The following MAGI2 variants were observed in gnomAD, a reference collection of about 807,000 sequenced individuals.
MAGI2 encodes the protein membrane associated guanylate kinase, WW and PDZ domain containing 2.
In MAGI2, 35 loss-of-function variants were observed where a neutral mutation model predicts 133.3. That is an observed-to-expected ratio of 0.26 (90% CI 0.20 to 0.35). MAGI2 has a LOEUF of 0.35. Among genes scored for constraint, MAGI2 ranks in the 10% least tolerant of loss-of-function variants. The pLI is 1.00. For synonymous variants in MAGI2, 729 were observed against 710.6 expected, an observed-to-expected ratio of 1.03 and a Z score of -0.41; for missense variants, 1,636 against 1,863.4, an observed-to-expected ratio of 0.88 and a Z score of 2.25.
At chr7:79,070,608 C>T (rs985756179) in intron 1 of MAGI2, among the ~76,000 whole-genome samples, 1 of 151,944 alleles carries the variant, frequency 6.6e-6, no homozygotes, top group Non-Finnish European at 1.5e-5. Context: ...TCTCTTGCAT[C>T]AGCCTTCTGA....
chr7:78,653,550 T>G (rs560364856), intron 2 of MAGI2, among the ~76,000 whole-genome samples: 2 of 151,782 alleles, frequency 1.3e-5, no homozygotes, highest in East Asian at 3.9e-4. Context: ...AACCAAACAC[T>G]GCATGTTCTC....
At chr7:78,901,707 C>A (rs184536581) in intron 2 of MAGI2, among the ~76,000 whole-genome samples, 1 of 151,766 alleles carries the variant, frequency 6.6e-6, no homozygotes, top group African/African-American at 2.4e-5. Context: ...TTCTATTCAC[C>A]GTACAGGAAA....
At chr7:79,033,792 A>C (rs1309841448) in intron 1 of MAGI2, among the ~76,000 whole-genome samples, 1 of 152,182 alleles carries the variant, frequency 6.6e-6, no homozygotes, top group African/African-American at 2.4e-5. Flanking sequence ...AGTGGTACAT[A>C]AGGTTCAATC....
At chr7:78,759,785 C>T (rs1824300802) in intron 2 of MAGI2, among the ~76,000 whole-genome samples, 1 of 152,120 alleles carries the variant, frequency 6.6e-6, no homozygotes, top group Admixed American at 6.5e-5. Flanking sequence ...CACATTTTCC[C>T]TATTTTCTAA....
At chr7:78,547,360 C>T (rs193165847) in intron 3 of MAGI2, among the ~76,000 whole-genome samples, 74 of 152,336 alleles carry the variant, frequency 4.9e-4, no homozygotes, top group African/African-American at 1.7e-3. Context: ...GTAAAAAGGA[C>T]CTCCTATCAC....
chr7:78,199,909 A>G (rs569481664), intron 11 of MAGI2, among the ~76,000 whole-genome samples: 40 of 152,384 alleles, frequency 2.6e-4, no homozygotes, highest in Admixed American at 6.5e-4. Context: ...GTATAATTGT[A>G]GCACCATGAT....
intron 1 of MAGI2, among the ~76,000 whole-genome samples, chr7:79,425,841 A>G (rs1289527330): frequency 6.6e-6 from 1 of 152,078 alleles, no homozygotes; most frequent in African/African-American, 2.4e-5. Context: ...AAAGGCTTCA[A>G]TGACTATTTG....
At position 79,128,872 on chromosome 7, in the gene MAGI2, A is replaced by G. The variant is rs1820666252; in HGVS notation, c.302-121666T>C. On this transcript the variant is annotated intron_variant, in intron 1 of 21. Transcript: ENST00000354212. ...CATACTAAACACCATAGCTTAGCCT[A>G]GGCTACTTTATTTTTTGAGATGAAT... Among the ~76,000 whole-genome samples, 5 of 152,240 alleles carry G rather than the reference A, an allele frequency of 3.3e-5. No homozygotes were observed. In the Middle Eastern group the frequency reaches 0.01, roughly 311 times the overall value.
At chr7:78,168,158 C>CTTTT in intron 14 of MAGI2, 50 bp from the exon 15 acceptor site, 6 of 1,276,652 alleles carry the variant, frequency 4.7e-6, no homozygotes, top group South Asian at 1.4e-5. Context: ...ATCCTTTTTC[C>CTTTT]TTTTTTTTTT....
At chr7:78,130,680 A>T (rs1821476374) in intron 18 of MAGI2, among the ~76,000 whole-genome samples, 1 of 152,240 alleles carries the variant, frequency 6.6e-6, no homozygotes, top group African/African-American at 2.4e-5. Context: ...TGGAGTGGGC[A>T]CTTCCTGGGC....
At chr7:78,790,734 C>G (rs529538191) in intron 2 of MAGI2, among the ~76,000 whole-genome samples, 69 of 152,124 alleles carry the variant, frequency 4.5e-4, no homozygotes, top group African/African-American at 1.6e-3. Flanking sequence ...GTGCCCGGCC[C>G]TGTCATCATA....
At chr7:78,644,775 A>C (rs1415501775) in intron 2 of MAGI2, among the ~76,000 whole-genome samples, 3 of 152,172 alleles carry the variant, frequency 2.0e-5, no homozygotes, top group African/African-American at 7.2e-5. Flanking sequence ...AAAGGGAATA[A>C]TAAAAATCAG....
chr7:78,634,615 G>C (rs1809432621), intron 2 of MAGI2, among the ~76,000 whole-genome samples: 1 of 152,250 alleles, frequency 6.6e-6, no homozygotes, highest in African/African-American at 2.4e-5. Flanking sequence ...ATCTAGACTG[G>C]GGAAACAAGT....
In MAGI2 at chr7:78,018,753, T is replaced by C. The variant is rs1194155149; in HGVS notation, c.*562A>G. 1 of 158,888 alleles carries C rather than the reference T, an allele frequency of 6.3e-6. No individual in the cohort carries two copies. The highest frequency in any genetic ancestry group is 2.4e-5 in the African/African-American group (1 of 41,762). 9.8% of individuals were successfully genotyped at this position (158,888 alleles called of 1,614,324 possible). On this transcript the variant is annotated 3_prime_UTR_variant, in exon 22 of 22. Transcript: ENST00000354212. ...GAGGATGGATGCCAAGGGTGAGCCA[T>C]GGAAACATGTCATGGGTGAACGGTT... is the stretch of plus-strand genomic sequence containing the variant.
Position 79,171,768 on chromosome 7 carries a change from ATATT to A in MAGI2, c.302-164566_302-164563del, listed in dbSNP as rs1453295977. On this transcript the variant is annotated intron_variant, in intron 1 of 21. Coordinates refer to ENST00000354212, the MANE Select transcript of MAGI2 (RefSeq NM_012301.4). ...AATATATATATATATATATATATAT[ATATT>A]TTTTTTTTTTTTTTCTTTTAAAGGG... Among the ~76,000 whole-genome samples, 194 of 20,870 alleles carry A rather than the reference ATATT, an allele frequency of 9.3e-3. 2 individuals carry two copies. The highest frequency in any genetic ancestry group is 0.018 in the African/African-American group (182 of 10,288). 13.7% of individuals were successfully genotyped at this position (20,870 alleles called of 152,430 possible). A position where few individuals can be genotyped will look rare whatever the true frequency, so the allele number is the denominator to read the frequency against.
intron 14 of MAGI2, among the ~76,000 whole-genome samples, chr7:78,172,962 C>G (rs540811086): frequency 6.6e-6 from 1 of 152,288 alleles, no homozygotes; most frequent in Non-Finnish European, 1.5e-5. Context: ...TTTGGAGAGA[C>G]TTAGGCTGCT....
intron 1 of MAGI2, among the ~76,000 whole-genome samples, chr7:79,130,701 G>T (rs1820855903): frequency 6.6e-6 from 1 of 152,162 alleles, no homozygotes; most frequent in Admixed American, 6.5e-5. Context: ...TTCAAATGTT[G>T]TTAACTATTA....
At chr7:78,959,309 T>C (rs952781025) in intron 2 of MAGI2, among the ~76,000 whole-genome samples, 1 of 152,160 alleles carries the variant, frequency 6.6e-6, no homozygotes, top group African/African-American at 2.4e-5. Flanking sequence ...AATGGCATTG[T>C]TCTTCAGGAG....
chr7:78,976,870 C>T (rs1032453265), intron 2 of MAGI2, among the ~76,000 whole-genome samples: 2 of 151,306 alleles, frequency 1.3e-5, no homozygotes, highest in Non-Finnish European at 3.0e-5. Flanking sequence ...AAGTGAAATA[C>T]TTACATATAA....
Sources: allele counts gnomAD v4.1 joint callset (sites outside exome capture counted in the v4.1 genomes callset), GRCh38; gene constraint gnomAD v4.1.1; transcripts MANE v1.5; gene names NCBI Gene and HGNC (gene_info 2026-07-23, HGNC 2026-07-21).